The following HIP1 variants were observed in gnomAD, a reference collection of about 807,000 sequenced individuals.
The protein encoded by HIP1 is huntingtin interacting protein 1, also known as huntingtin-interacting protein 1.
HIP1 carries 65 observed loss-of-function variants against 147.6 expected under a neutral mutation model. That is an observed-to-expected ratio of 0.44 (90% CI 0.36 to 0.54). The LOEUF is 0.54. Among genes scored for constraint, HIP1 ranks in the 20% least tolerant of loss-of-function variants. HIP1 has a pLI of 0.00. For missense variants in HIP1, 1,061 were observed against 1,299.6 expected, an observed-to-expected ratio of 0.82 and a Z score of 2.82; for synonymous variants, 479 against 504.0, an observed-to-expected ratio of 0.95 and a Z score of 0.67.
In HIP1 at chr7:75,573,911, A is replaced by T. The variant is rs1277921581; in HGVS notation, c.605-10T>A. 6.2e-7 allele frequency: 1 copy of T among 1,606,354 alleles called. No individual in the cohort carries two copies. The highest frequency in any genetic ancestry group is 2.2e-5 in the East Asian group (1 of 44,638). On this transcript the variant is annotated splice_polypyrimidine_tract_variant and intron_variant, in intron 7 of 30. Transcript: ENST00000336926. ...TCCAGGGAGTTGAATACTAGGAAAT[A>T]AAAGTGAGGGAGAAAGGTGGTAGAG...
intron 1 of HIP1, among the ~76,000 whole-genome samples, chr7:75,703,013 C>A (rs573976515): frequency 2.0e-5 from 3 of 151,916 alleles, no homozygotes; most frequent in African/African-American, 7.3e-5. Context: ...CAAACTGTAG[C>A]GGGAATTAAG....
chr7:75,682,581 G>C (rs1243474195), intron 1 of HIP1, among the ~76,000 whole-genome samples: 4 of 148,658 alleles, frequency 2.7e-5, no homozygotes, highest in African/African-American at 5.0e-5. Flanking sequence ...TTTACAGACA[G>C]AAAACAAAAC....
intron 1 of HIP1, among the ~76,000 whole-genome samples, chr7:75,622,261 AGTGAGACTCTGTC>A (rs1442887707): frequency 6.9e-6 from 1 of 145,082 alleles, no homozygotes. Flanking sequence ...TGGGTGATAG[AGTGAGACTCTGTC>A]TCAAAAAAAA....
In HIP1 at chr7:75,562,059, C is replaced by T; in HGVS notation, c.1118+14G>A. On this transcript the variant is annotated intron_variant, in intron 12 of 30. Transcript: ENST00000336926. ...AGCTCCTGAACCATCTGCTTGAACC[C>T]AGCTTGGACTCACTTCTCATCCTTG... is the stretch of plus-strand genomic sequence containing the variant. 1 of 1,536,810 alleles carries T rather than the reference C, an allele frequency of 6.5e-7. No homozygotes were observed. Among genetic ancestry groups the T allele is most frequent in the African/African-American group, 1.4e-5 (1 of 73,498 alleles).
At chr7:75,732,206 A>G (rs976834892) in intron 1 of HIP1, among the ~76,000 whole-genome samples, 6 of 152,164 alleles carry the variant, frequency 3.9e-5, no homozygotes, top group African/African-American at 1.4e-4. Context: ...AATCATAGAT[A>G]TAAATCACCC....
At chr7:75,703,413 G>T (rs572102941) in intron 1 of HIP1, among the ~76,000 whole-genome samples, 7 of 152,150 alleles carry the variant, frequency 4.6e-5, no homozygotes, top group Non-Finnish European at 8.8e-5. Flanking sequence ...GGAAGCCGAG[G>T]CAGGCAGATC....
chr7:75,674,017 A>AT (rs1173201409), intron 1 of HIP1, among the ~76,000 whole-genome samples: 1 of 152,064 alleles, frequency 6.6e-6, no homozygotes, highest in African/African-American at 2.4e-5. Context: ...TAAAATATTA[A>AT]TGTTGTATCC....
chr7:75,694,773 G>C (rs938290517), intron 1 of HIP1, among the ~76,000 whole-genome samples: 1 of 151,484 alleles, frequency 6.6e-6, no homozygotes, highest in Non-Finnish European at 1.5e-5. Flanking sequence ...GCCTCCCAAA[G>C]TGCTGGGATT....
At position 75,558,436 on chromosome 7, in the gene HIP1, C is replaced by G. The variant is rs114654604; in HGVS notation, c.1376-181G>C. Among the ~76,000 whole-genome samples the G allele has an allele frequency of 2.2e-3, 333 of 152,278 alleles. 2 individuals carry two copies. Among genetic ancestry groups the G allele is most frequent in the Middle Eastern group, 0.01 (3 of 294 alleles). On this transcript the variant is annotated intron_variant, in intron 14 of 30. Transcript: ENST00000336926. ...ACTGCAGCCTTGACCTCCTTGGGCT[C>G]AAGTCATCCTCCCACCCCAGTCTCC...
chr7:75,683,257 AGGT>A (rs1800152030), intron 1 of HIP1, among the ~76,000 whole-genome samples: 3 of 152,016 alleles, frequency 2.0e-5, no homozygotes, highest in African/African-American at 7.2e-5. Context: ...CTGGGATTAC[AGGT>A]GTCAGCCACC....
chr7:75,534,014 G>A lies in HIP1; in HGVS notation c.*4158C>T, dbSNP rs1261963044. The A allele has an allele frequency of 8.6e-6, 2 of 231,876 alleles. No individual in the cohort carries two copies. Among genetic ancestry groups the A allele is most frequent in the Non-Finnish European group, 1.7e-5 (2 of 117,288 alleles). The allele number at this position is 231,876 out of a possible 1,614,324, so 14.4% of individuals were successfully genotyped here. ...CAGAGATTTGGAAAGGTGGTAGAAG[G>A]TAGCAAGATGCTGACCGGTTATTAA... On this transcript the variant is annotated 3_prime_UTR_variant, in exon 31 of 31. Coordinates refer to ENST00000336926, the MANE Select transcript of HIP1 (RefSeq NM_005338.7).
intron 7 of HIP1, among the ~76,000 whole-genome samples, chr7:75,574,961 C>A (rs1795793129): frequency 6.7e-6 from 1 of 150,106 alleles, no homozygotes; most frequent in South Asian, 2.1e-4. Flanking sequence ...AGTTTGAGAC[C>A]AGCCTGAGCA....
intron 1 of HIP1, among the ~76,000 whole-genome samples, chr7:75,677,187 C>T (rs1799922974): frequency 6.7e-6 from 1 of 150,222 alleles, no homozygotes; most frequent in Non-Finnish European, 1.5e-5. Flanking sequence ...AAGAATGAAA[C>T]TCCATCTCAA....
At chr7:75,681,266 TC>T (rs782717353) in intron 1 of HIP1, among the ~76,000 whole-genome samples, 1 of 152,060 alleles carries the variant, frequency 6.6e-6, no homozygotes, top group Non-Finnish European at 1.5e-5. Context: ...CTGCCCCTAA[TC>T]CCCTTCTTGT....
intron 1 of HIP1, among the ~76,000 whole-genome samples, chr7:75,632,231 C>G (rs1447127317): frequency 6.6e-6 from 1 of 152,126 alleles, no homozygotes; most frequent in Non-Finnish European, 1.5e-5. Context: ...ACTCAGCCAT[C>G]CTCAGCCCTG....
At chr7:75,599,278 G>A in intron 1 of HIP1, 31 bp from the exon 2 acceptor site, 1 of 1,549,590 alleles carries the variant, frequency 6.5e-7, no homozygotes, top group Non-Finnish European at 8.9e-7. Context: ...AGGGAAAGGA[G>A]GATGAGATGA....
At chr7:75,635,318 T>C (rs1292251508) in intron 1 of HIP1, among the ~76,000 whole-genome samples, 1 of 151,968 alleles carries the variant, frequency 6.6e-6, no homozygotes, top group Non-Finnish European at 1.5e-5. Flanking sequence ...TCAACTGAAA[T>C]ACAGCCTGTG....
chr7:75,673,951 A>C (rs1259752601), intron 1 of HIP1, among the ~76,000 whole-genome samples: 1 of 152,036 alleles, frequency 6.6e-6, no homozygotes. Context: ...GTACCACTGC[A>C]CTCCAGCCCA....
intron 1 of HIP1, among the ~76,000 whole-genome samples, chr7:75,600,115 GT>G (rs1248603913): frequency 6.7e-6 from 1 of 148,286 alleles, no homozygotes; most frequent in South Asian, 2.1e-4. Context: ...TACAGGCCTT[GT>G]TTTTTTCTCT....
Sources: allele counts gnomAD v4.1 joint callset (sites outside exome capture counted in the v4.1 genomes callset), GRCh38; gene constraint gnomAD v4.1.1; transcripts MANE v1.5; gene names NCBI Gene and HGNC (gene_info 2026-07-23, HGNC 2026-07-21).